ST6GALNAC3: variants seen among roughly 807,000 people sequenced by gnomAD.
The protein encoded by ST6GALNAC3 is ST6 N-acetylgalactosaminide alpha-2,6-sialyltransferase 3, also known as alpha-N-acetylgalactosaminide alpha-2,6-sialyltransferase 3.
In ST6GALNAC3, 25 loss-of-function variants were observed where a neutral mutation model predicts 32.7. The ratio of observed to expected loss-of-function variants is 0.76; its 90% CI spans 0.56 to 1.07. ST6GALNAC3 has a LOEUF of 1.07. ST6GALNAC3 is among the 50% of genes least tolerant of loss of function. ST6GALNAC3 has a pLI of 0.00. For synonymous variants in ST6GALNAC3, 129 were observed against 133.1 expected, an observed-to-expected ratio of 0.97 and a Z score of 0.21; for missense variants, 355 against 382.4, an observed-to-expected ratio of 0.93 and a Z score of 0.60.
At chr1:76,246,297 G>A (rs1341541311) in intron 1 of ST6GALNAC3, among the ~76,000 whole-genome samples, 1 of 151,992 alleles carries the variant, frequency 6.6e-6, no homozygotes, top group East Asian at 1.9e-4. Context: ...TTGAGCCTAT[G>A]TGTGTCTTTG....
intron 3 of ST6GALNAC3, among the ~76,000 whole-genome samples, chr1:76,518,363 A>G (rs1233811377): frequency 6.6e-6 from 1 of 152,042 alleles, no homozygotes; most frequent in Non-Finnish European, 1.5e-5. Flanking sequence ...TATATCTGAC[A>G]TGGCTTCTAT....
At chr1:76,506,687 G>A (rs978102285) in intron 3 of ST6GALNAC3, among the ~76,000 whole-genome samples, 6 of 152,152 alleles carry the variant, frequency 3.9e-5, no homozygotes, top group Admixed American at 6.5e-5. Flanking sequence ...AATAAAGGGC[G>A]TTTCAGGTTC....
intron 3 of ST6GALNAC3, among the ~76,000 whole-genome samples, chr1:76,573,939 G>A (rs1021137584): frequency 1.3e-4 from 19 of 151,962 alleles, no homozygotes; most frequent in African/African-American, 4.1e-4. Context: ...AGATAATTTT[G>A]TCTTTTTCAT....
chr1:76,522,522 T>C (rs991817737), intron 3 of ST6GALNAC3, among the ~76,000 whole-genome samples: 1 of 152,208 alleles, frequency 6.6e-6, no homozygotes, highest in African/African-American at 2.4e-5. Context: ...GTCTTTGAGT[T>C]CATTAATCTT....
At chr1:76,575,528 A>T (rs1189539102) in intron 3 of ST6GALNAC3, among the ~76,000 whole-genome samples, 1 of 152,086 alleles carries the variant, frequency 6.6e-6, no homozygotes, top group Non-Finnish European at 1.5e-5. Flanking sequence ...GATATTGAGG[A>T]AGGTGATTTG....
chr1:76,472,152 A>G (rs141695486), intron 3 of ST6GALNAC3, among the ~76,000 whole-genome samples: 3 of 152,232 alleles, frequency 2.0e-5, no homozygotes, highest in East Asian at 1.9e-4. Context: ...AGGTGTTTCC[A>G]TGTAGAAATT....
At chr1:76,537,911 T>C (rs1663724413) in intron 3 of ST6GALNAC3, among the ~76,000 whole-genome samples, 1 of 152,062 alleles carries the variant, frequency 6.6e-6, no homozygotes, top group Non-Finnish European at 1.5e-5. Context: ...CATGACCAGA[T>C]GGATTCACAG....
chr1:76,234,292 A>T lies in ST6GALNAC3; in HGVS notation c.19-79513A>T, dbSNP rs1002555888. ...TAAACTGCTCTGTCCCCCTTCTAGGATCTGAGATCCCACCTCTTTGGTTTC... is the reference window on the plus strand; with the variant it reads ...TAAACTGCTCTGTCCCCCTTCTAGGTTCTGAGATCCCACCTCTTTGGTTTC... On this transcript the variant is annotated intron_variant, in intron 1 of 4. Coordinates refer to ENST00000328299, the MANE Select transcript of ST6GALNAC3 (RefSeq NM_152996.4). Among the ~76,000 whole-genome samples the T allele has an allele frequency of 2.6e-5, 4 of 152,146 alleles. No homozygotes were observed. The South Asian group carries it at 8.3e-4, about 32-fold the overall frequency.
chr1:76,372,819 G>C (rs1408579034), intron 2 of ST6GALNAC3, among the ~76,000 whole-genome samples: 1 of 152,050 alleles, frequency 6.6e-6, no homozygotes, highest in Non-Finnish European at 1.5e-5. Context: ...TCCACACTTT[G>C]CTGGGTGGAG....
intron 2 of ST6GALNAC3, among the ~76,000 whole-genome samples, chr1:76,352,801 A>G (rs1478183562): frequency 6.6e-6 from 1 of 152,102 alleles, no homozygotes; most frequent in Non-Finnish European, 1.5e-5. Flanking sequence ...CCTCGTTCCT[A>G]TAAATGGTAT....
chr1:76,208,034 CAA>C (rs1374558067), intron 1 of ST6GALNAC3, among the ~76,000 whole-genome samples: 1 of 72,316 alleles, frequency 1.4e-5, no homozygotes, highest in African/African-American at 4.2e-5. Context: ...TGTTCCCACT[CAA>C]GAGTGCCCCC....
chr1:76,315,735 G>A (rs950161662), intron 2 of ST6GALNAC3, among the ~76,000 whole-genome samples: 5 of 152,020 alleles, frequency 3.3e-5, no homozygotes, highest in Non-Finnish European at 5.9e-5. Flanking sequence ...CTTAACCTCA[G>A]AGCCCCAATT....
At chr1:76,440,330 C>T (rs982213878) in intron 3 of ST6GALNAC3, among the ~76,000 whole-genome samples, 6 of 152,164 alleles carry the variant, frequency 3.9e-5, no homozygotes, top group Non-Finnish European at 5.9e-5. Context: ...TTTACATTTT[C>T]GAAAAGTAAG....
At chr1:76,301,387 G>C (rs1160282379) in intron 1 of ST6GALNAC3, among the ~76,000 whole-genome samples, 7 of 151,900 alleles carry the variant, frequency 4.6e-5, no homozygotes, top group Admixed American at 4.6e-4. Context: ...AAAAATCAAA[G>C]GCTCTTTGAT....
At chr1:76,147,819 ACT>A (rs1157236790) in intron 1 of ST6GALNAC3, among the ~76,000 whole-genome samples, 1 of 149,804 alleles carries the variant, frequency 6.7e-6, no homozygotes, top group African/African-American at 2.5e-5. Flanking sequence ...CCTTTTTTTC[ACT>A]CTCTTTTAGC....
At chr1:76,367,605 A>G (rs1650477367) in intron 2 of ST6GALNAC3, among the ~76,000 whole-genome samples, 1 of 152,192 alleles carries the variant, frequency 6.6e-6, no homozygotes, top group Non-Finnish European at 1.5e-5. Flanking sequence ...CTTACATATT[A>G]TAGATAGCTC....
intron 1 of ST6GALNAC3, among the ~76,000 whole-genome samples, chr1:76,188,818 G>A (rs991364771): frequency 6.6e-6 from 1 of 152,224 alleles, no homozygotes; most frequent in Non-Finnish European, 1.5e-5. Context: ...AGAGGATGAG[G>A]AACCAGAAGA....
chr1:76,246,334 GCA>G (rs1356368018), intron 1 of ST6GALNAC3, among the ~76,000 whole-genome samples: 1 of 152,128 alleles, frequency 6.6e-6, no homozygotes, highest in Non-Finnish European at 1.5e-5. Flanking sequence ...TCTGGATACA[GCA>G]CACCAATGGG....
At chr1:76,307,272 C>T (rs1386612028) in intron 1 of ST6GALNAC3, among the ~76,000 whole-genome samples, 1 of 151,990 alleles carries the variant, frequency 6.6e-6, no homozygotes, top group Non-Finnish European at 1.5e-5. Context: ...CGGGATACAC[C>T]CAGATTTTTG....
Sources: allele counts gnomAD v4.1 joint callset (sites outside exome capture counted in the v4.1 genomes callset), GRCh38; gene constraint gnomAD v4.1.1; transcripts MANE v1.5; gene names NCBI Gene and HGNC (gene_info 2026-07-23, HGNC 2026-07-21).